The following MRTFB variants were observed in gnomAD, a reference collection of about 807,000 sequenced individuals.
The protein encoded by MRTFB is myocardin related transcription factor B.
In MRTFB, 29 loss-of-function variants were observed where a neutral mutation model predicts 104.2. That is an observed-to-expected ratio of 0.28 (90% CI 0.21 to 0.38). The LOEUF is 0.38. Ranked by LOEUF, MRTFB falls within the 10% of genes least tolerant of loss-of-function variation. The pLI is 1.00. For missense variants in MRTFB, 1,270 were observed against 1,341.6 expected (o/e 0.95, Z 0.83); for synonymous variants, 535 against 519.5 (o/e 1.03, Z -0.41).
intron 3 of MRTFB, among the ~76,000 whole-genome samples, chr16:14,155,023 G>C (rs1479224109): frequency 6.6e-6 from 1 of 152,172 alleles, no homozygotes; most frequent in East Asian, 1.9e-4. Context: ...AGGGATCCCT[G>C]GGACTACCCT....
At chr16:14,038,040 A>G in the MRTFB span, among the ~76,000 whole-genome samples, 3 of 152,202 alleles carry the variant, frequency 2.0e-5, no homozygotes, top group Non-Finnish European at 2.9e-5. Context: ...TGCTGGAGAT[A>G]CCATAACAAA....
intron 2 of MRTFB, among the ~76,000 whole-genome samples, chr16:14,134,639 C>G (rs908916093): frequency 2.0e-5 from 3 of 152,184 alleles, no homozygotes; most frequent in Non-Finnish European, 2.9e-5. Context: ...TAATGTAGGC[C>G]TTCAGTACAC....
intron 4 of MRTFB, among the ~76,000 whole-genome samples, chr16:14,211,285 C>A (rs543211331): frequency 6.6e-6 from 1 of 151,952 alleles, no homozygotes; most frequent in East Asian, 1.9e-4. Flanking sequence ...CCACCACATC[C>A]CTGACTATGA....
chr16:14,225,669 C>T (rs1180382495), intron 8 of MRTFB, among the ~76,000 whole-genome samples: 1 of 144,724 alleles, frequency 6.9e-6, no homozygotes, highest in South Asian at 2.1e-4. Context: ...TTCATTCATT[C>T]ATTCATTCAT....
chr16:14,079,701 G>GA (rs1255888896), intron 2 of MRTFB, among the ~76,000 whole-genome samples: 2 of 151,910 alleles, frequency 1.3e-5, no homozygotes, highest in African/African-American at 2.4e-5. Flanking sequence ...ATAGGGAGTT[G>GA]AAAGAATTTT....
chr16:14,096,413 A>G (rs1286503668), intron 2 of MRTFB, among the ~76,000 whole-genome samples: 1 of 152,214 alleles, frequency 6.6e-6, no homozygotes, highest in African/African-American at 2.4e-5. Flanking sequence ...TTTCTAAGGA[A>G]TTCTGAAGCA....
intron 1 of MRTFB, among the ~76,000 whole-genome samples, chr16:14,073,850 T>C (rs1208910564): frequency 6.6e-6 from 1 of 152,232 alleles, no homozygotes; most frequent in Non-Finnish European, 1.5e-5. Flanking sequence ...TGTAATCACA[T>C]ATGCCAGTAG....
At chr16:14,184,828 G>A (rs1044589745) in intron 3 of MRTFB, among the ~76,000 whole-genome samples, 4 of 152,210 alleles carry the variant, frequency 2.6e-5, no homozygotes, top group African/African-American at 9.6e-5. Flanking sequence ...GCCATAGACA[G>A]ACTTGGGCTT....
chr16:14,186,596 G>A, intron 3 of MRTFB: 1 of 690,190 alleles, frequency 1.4e-6, no homozygotes, highest in Non-Finnish European at 2.0e-6. Context: ...CCAGCGCGGG[G>A]GAAGCTGGAA....
intron 3 of MRTFB, among the ~76,000 whole-genome samples, chr16:14,191,577 C>T (rs2040185947): frequency 2.0e-5 from 3 of 152,198 alleles, no homozygotes; most frequent in Non-Finnish European, 4.4e-5. Context: ...TTGTCCCCCT[C>T]ATCCCCCAAT....
At position 14,210,356 on chromosome 16, in the gene MRTFB, G is replaced by A. The variant is rs140420387; in HGVS notation, c.220+48G>A. 172 of 1,461,774 alleles carry A rather than the reference G, an allele frequency of 1.2e-4. 1 individual carries two copies. The African/African-American group carries it at 1.9e-3, about 16-fold the overall frequency. The allele number at this position is 1,461,774 out of a possible 1,614,324, so 90.6% of individuals were successfully genotyped here. ...CATCCCTAACGTGACAGAACATGACGGGCGTGTCCAAGAAGAGCCTGCATC... is the reference window on the plus strand; with the variant it reads ...CATCCCTAACGTGACAGAACATGACAGGCGTGTCCAAGAAGAGCCTGCATC... On this transcript the variant is annotated intron_variant, in intron 4 of 16. Transcript: ENST00000571589.
intron 2 of MRTFB, among the ~76,000 whole-genome samples, chr16:14,137,606 A>G (rs1397602536): frequency 6.6e-6 from 1 of 152,112 alleles, no homozygotes; most frequent in African/African-American, 2.4e-5. Context: ...GAGTTTTGAA[A>G]AAGTCTAGGA....
At chr16:14,035,207 T>TCCCTGAGC in the MRTFB span, among the ~76,000 whole-genome samples, 1 of 152,176 alleles carries the variant, frequency 6.6e-6, no homozygotes, top group Admixed American at 6.5e-5. Context: ...ATTGCGATCC[T>TCCCTGAGC]CCCTGAGCCC....
Position 14,246,406 on chromosome 16 carries a change from C to A in MRTFB, c.1213-67C>A, listed in dbSNP as rs2043018796. 4.6e-6 allele frequency: 7 copies of A among 1,520,696 alleles called. No individual in the cohort carries two copies. In the African/African-American group the frequency reaches 6.9e-5, roughly 15 times the overall value. 94.2% of individuals were successfully genotyped at this position (1,520,696 alleles called of 1,614,324 possible). A position where few individuals can be genotyped will look rare whatever the true frequency, so the allele number is the denominator to read the frequency against. ...ACAGACATAGGCACCTTTCCCATCA[C>A]AAAAGCGTACTGTAGATTTGCCAGA... On this transcript the variant is annotated intron_variant, in intron 11 of 16. Coordinates refer to ENST00000571589, the MANE Select transcript of MRTFB (RefSeq NM_001308142.2).
chr16:14,257,839 C>T (rs973724450), intron 15 of MRTFB, among the ~76,000 whole-genome samples: 1 of 152,042 alleles, frequency 6.6e-6, no homozygotes, highest in South Asian at 2.1e-4. Flanking sequence ...AGAGGCCTCT[C>T]AAAATGCAAT....
At chr16:14,013,954 T>C in the MRTFB span, among the ~76,000 whole-genome samples, 1 of 152,220 alleles carries the variant, frequency 6.6e-6, no homozygotes, top group Non-Finnish European at 1.5e-5. Flanking sequence ...CAACTCACTA[T>C]TGTAACCCCT....
chr16:14,252,719 T>C (rs2043306612), intron 15 of MRTFB, among the ~76,000 whole-genome samples: 1 of 152,248 alleles, frequency 6.6e-6, no homozygotes, highest in Non-Finnish European at 1.5e-5. Context: ...ATTTACTGTT[T>C]ATTCAGAAAT....
rs931828901 is a variant in MRTFB, at chr16:14,177,229, G to A, written c.155-33014G>A. Among the ~76,000 whole-genome samples, 4 of 152,148 alleles carry A rather than the reference G, an allele frequency of 2.6e-5. No homozygotes were observed. The South Asian group carries it at 6.2e-4, about 24-fold the overall frequency. On this transcript the variant is annotated intron_variant, in intron 3 of 16. Coordinates refer to ENST00000571589, the MANE Select transcript of MRTFB (RefSeq NM_001308142.2). The surrounding 1 kb of genome is among the most constrained non-coding windows in gnomAD (Gnocchi z 4.7). ...GGCTAACAAAGGTGGACTGACTTAA[G>A]GAGATAGAGGAGAGGCATGGAAGAG...
chr16:14,209,239 T>C (rs2041084507), intron 3 of MRTFB, among the ~76,000 whole-genome samples: 1 of 152,194 alleles, frequency 6.6e-6, no homozygotes, highest in African/African-American at 2.4e-5. Flanking sequence ...CACCACTCAC[T>C]AGAAAATTGT....
Sources: allele counts gnomAD v4.1 joint callset (sites outside exome capture counted in the v4.1 genomes callset), GRCh38; gene constraint gnomAD v4.1.1; non-coding constraint Gnocchi (gnomAD v3.1); transcripts MANE v1.5; gene names NCBI Gene and HGNC (gene_info 2026-07-23, HGNC 2026-07-21).